Variants in NUMB observed in about 807,000 individuals in gnomAD.
NUMB encodes the protein NUMB endocytic adaptor protein, also known as protein numb homolog.
NUMB carries 29 observed loss-of-function variants against 59.7 expected under a neutral mutation model. The ratio of observed to expected loss-of-function variants is 0.49; its 90% CI spans 0.36 to 0.66. The LOEUF (loss-of-function observed/expected upper bound fraction) is 0.66, where lower values mean the gene tolerates loss of function less well. NUMB is among the 30% of genes least tolerant of loss of function. The probability of loss-of-function intolerance (pLI) is 0.00; values close to 1 mark genes in which losing one functional copy is unlikely to be tolerated. For missense variants in NUMB, 723 were observed against 822.0 expected, an observed-to-expected ratio of 0.88 and a Z score of 1.47; for synonymous variants, 288 against 288.2, an observed-to-expected ratio of 1.00 and a Z score of 0.01.
intron 4 of NUMB, among the ~76,000 whole-genome samples, chr14:73,341,552 G>C (rs1342247668): frequency 6.6e-6 from 1 of 152,110 alleles, no homozygotes; most frequent in African/African-American, 2.4e-5. Flanking sequence ...AAATGGGGTA[G>C]GAAAAGTGTT....
rs537074549 is a variant in NUMB, at chr14:73,276,341, A to G, written c.*237T>C. 1 of 469,820 alleles carries G rather than the reference A, an allele frequency of 2.1e-6. No individual in the cohort carries two copies. Among genetic ancestry groups the G allele is most frequent in the South Asian group, 3.7e-5 (1 of 26,924 alleles). The allele number at this position is 469,820 out of a possible 1,614,324, so 29.1% of individuals were successfully genotyped here. On this transcript the variant is annotated 3_prime_UTR_variant, in exon 13 of 13. Transcript: ENST00000555238. ...GGGGTAAGGGAAGAGGGAGTACAGA[A>G]AGCAACATTTCCTTGACTTCTTTAG...
intron 1 of NUMB, among the ~76,000 whole-genome samples, chr14:73,413,556 G>A (rs76751298): frequency 0.061 from 9,179 of 150,896 alleles, 625 homozygotes; most frequent in African/African-American, 0.16. Context: ...TCAGGAGTTC[G>A]AGACCAGCCT....
chr14:73,418,555 T>G (rs2140146574), intron 1 of NUMB, among the ~76,000 whole-genome samples: 1 of 152,240 alleles, frequency 6.6e-6, no homozygotes, highest in Admixed American at 6.5e-5. Context: ...GTAGATCATC[T>G]GAGGTCAGGA....
chr14:73,308,414 C>T (rs924538519), intron 6 of NUMB, among the ~76,000 whole-genome samples: 7 of 152,086 alleles, frequency 4.6e-5, no homozygotes, highest in Non-Finnish European at 8.8e-5. Context: ...AGGTGACTAG[C>T]AGATATCGAA....
chr14:73,333,755 T>G (rs1162020569), intron 4 of NUMB, among the ~76,000 whole-genome samples: 1 of 152,210 alleles, frequency 6.6e-6, no homozygotes, highest in East Asian at 1.9e-4. Context: ...TATCTATTTT[T>G]TCTTTTGTTG....
At chr14:73,296,954 G>A (rs1051899885) in intron 7 of NUMB, among the ~76,000 whole-genome samples, 5 of 152,184 alleles carry the variant, frequency 3.3e-5, no homozygotes, top group Non-Finnish European at 7.3e-5. Flanking sequence ...GATCACCTGA[G>A]GTCAGGAGTT....
chr14:73,352,983 ATATT>A (rs1893504013), intron 4 of NUMB, among the ~76,000 whole-genome samples: 1 of 151,564 alleles, frequency 6.6e-6, no homozygotes, highest in African/African-American at 2.4e-5. Flanking sequence ...TGTTCAAAAA[ATATT>A]TATTAAATAC....
At chr14:73,412,649 A>G (rs868628023) in intron 1 of NUMB, among the ~76,000 whole-genome samples, 6 of 151,308 alleles carry the variant, frequency 4.0e-5, no homozygotes, top group Admixed American at 1.3e-4. Context: ...AAAAAAAAAA[A>G]AGAGATGGGG....
Position 73,389,285 on chromosome 14 carries a change from AAAAAAAAAC to A in NUMB, c.-101+20643_-101+20651del, listed in dbSNP as rs1249881267. ...GACTCCATCTCTCAAAAAAAAAAAA[AAAAAAAAAC>A]AAAAACAAAAACACTGGTCTCTGTT... On this transcript the variant is annotated intron_variant, in intron 2 of 12. Transcript: ENST00000555238. 5.4e-3 allele frequency among the ~76,000 whole-genome samples: 515 copies of A among 94,876 alleles called. 13 individuals carry two copies. Among genetic ancestry groups the A allele is most frequent in the African/African-American group, 0.032 (467 of 14,482 alleles). 62.2% of individuals were successfully genotyped at this position (94,876 alleles called of 152,430 possible).
At position 73,278,627 on chromosome 14, in the gene NUMB, C is replaced by T. The variant is rs1163946437; in HGVS notation, c.1240+654G>A. 3.6e-4 allele frequency among the ~76,000 whole-genome samples: 10 copies of T among 27,716 alleles called. No individual in the cohort carries two copies. In the East Asian group the frequency reaches 9.4e-3, roughly 26 times the overall value. 18.2% of individuals were successfully genotyped at this position (27,716 alleles called of 152,430 possible). A position where few individuals can be genotyped will look rare whatever the true frequency, so the allele number is the denominator to read the frequency against. ...TGCTTTTTCTAGCACTTTTTGTAGG[C>T]CTCCTATTGTAGGAGCAGGGCCCCC... On this transcript the variant is annotated intron_variant, in intron 12 of 12. Coordinates refer to ENST00000555238, the MANE Select transcript of NUMB (RefSeq NM_001005743.2).
At chr14:73,314,499 A>C (rs2139898117) in intron 6 of NUMB, among the ~76,000 whole-genome samples, 1 of 152,306 alleles carries the variant, frequency 6.6e-6, no homozygotes, top group South Asian at 2.1e-4. Context: ...GCTCAGCTAC[A>C]GTGTAGGTGC....
At chr14:73,336,858 T>C (rs1054394199) in intron 4 of NUMB, among the ~76,000 whole-genome samples, 1 of 152,234 alleles carries the variant, frequency 6.6e-6, no homozygotes, top group Non-Finnish European at 1.5e-5. Context: ...AAGCTGAGTT[T>C]ATTTCAGGAA....
rs1566766524 is a variant in NUMB at position 73,372,333 on chromosome 14, AT to A, written c.-100-5353del. ...TATATATATATATATATATATATATATATAACCTTTTATATATATATATATA... is the reference window on the plus strand; with the variant it reads ...TATATATATATATATATATATATATAATAACCTTTTATATATATATATATA... On this transcript the variant is annotated intron_variant, in intron 2 of 12. Coordinates refer to ENST00000555238, the MANE Select transcript of NUMB (RefSeq NM_001005743.2). 1.6e-3 allele frequency among the ~76,000 whole-genome samples: 152 copies of A among 95,048 alleles called. 3 individuals are homozygous for A. In the Middle Eastern group the frequency reaches 0.018, roughly 11 times the overall value. 62.4% of individuals were successfully genotyped at this position (95,048 alleles called of 152,430 possible).
At chr14:73,338,248 T>C (rs1345825201) in intron 4 of NUMB, among the ~76,000 whole-genome samples, 2 of 151,866 alleles carry the variant, frequency 1.3e-5, no homozygotes, top group East Asian at 1.9e-4. Context: ...GAATGTGCCA[T>C]TGCACTCCAG....
At chr14:73,279,245 T>G in intron 12 of NUMB, 36 bp downstream of exon 12, 2 of 1,613,696 alleles carry the variant, frequency 1.2e-6, no homozygotes. Flanking sequence ...ACTTATCTGA[T>G]CCCAGAATCC....
At chr14:73,431,177 G>A (rs1338912467) in intron 1 of NUMB, among the ~76,000 whole-genome samples, 2 of 151,174 alleles carry the variant, frequency 1.3e-5, no homozygotes, top group African/African-American at 2.4e-5. Flanking sequence ...GGCTGGTCTC[G>A]AGCTCCTGAC....
At chr14:73,302,696 G>GC (rs1472052428) in intron 6 of NUMB, among the ~76,000 whole-genome samples, 1 of 151,996 alleles carries the variant, frequency 6.6e-6, no homozygotes, top group African/African-American at 2.4e-5. Context: ...ACAGGCATGA[G>GC]CCACTGCGCC....
At chr14:73,405,896 A>G (rs747827602) in intron 2 of NUMB, among the ~76,000 whole-genome samples, 9 of 152,064 alleles carry the variant, frequency 5.9e-5, no homozygotes, top group Non-Finnish European at 1.2e-4. Context: ...ACCAATTGGC[A>G]TAATAAAAAC....
chr14:73,304,721 T>A (rs1187912118), intron 6 of NUMB, among the ~76,000 whole-genome samples: 1 of 152,192 alleles, frequency 6.6e-6, no homozygotes, highest in Non-Finnish European at 1.5e-5. Context: ...ATAATTAATG[T>A]TATCCTTAGG....
Sources: allele counts gnomAD v4.1 joint callset (sites outside exome capture counted in the v4.1 genomes callset), GRCh38; gene constraint gnomAD v4.1.1; transcripts MANE v1.5; gene names NCBI Gene and HGNC (gene_info 2026-07-23, HGNC 2026-07-21).